The following PIP4K2A variants were observed in gnomAD, a reference collection of about 807,000 sequenced individuals.
The protein encoded by PIP4K2A is phosphatidylinositol-5-phosphate 4-kinase type 2 alpha, also known as phosphatidylinositol 5-phosphate 4-kinase type-2 alpha.
PIP4K2A carries 14 observed loss-of-function variants against 42.9 expected under a neutral mutation model. The ratio of observed to expected loss-of-function variants is 0.33; its 90% CI spans 0.22 to 0.51. PIP4K2A has a LOEUF of 0.51. Among genes scored for constraint, PIP4K2A ranks in the 20% least tolerant of loss-of-function variants. The pLI, the probability that PIP4K2A is intolerant of heterozygous loss-of-function variation, is 0.97. For synonymous variants in PIP4K2A, 192 were observed against 192.2 expected, an observed-to-expected ratio of 1.00 and a Z score of 0.01; for missense variants, 434 against 519.8, an observed-to-expected ratio of 0.83 and a Z score of 1.61.
chr10:22,633,014 C>T (rs1033315272), intron 1 of PIP4K2A, among the ~76,000 whole-genome samples: 2 of 152,150 alleles, frequency 1.3e-5, no homozygotes, highest in Non-Finnish European at 2.9e-5. Context: ...TAGTATACAT[C>T]GGGTATCTGC....
chr10:22,541,639 G>A (rs779270598), intron 8 of PIP4K2A, among the ~76,000 whole-genome samples, 165 bp downstream of exon 8: 4 of 152,108 alleles, frequency 2.6e-5, no homozygotes, highest in Admixed American at 1.3e-4. Flanking sequence ...CTGAGATCAC[G>A]GTTAGCTTTA....
intron 4 of PIP4K2A, among the ~76,000 whole-genome samples, chr10:22,590,133 C>T (rs1178893387): frequency 6.6e-6 from 1 of 152,170 alleles, no homozygotes; most frequent in Non-Finnish European, 1.5e-5. Flanking sequence ...TGGCTGTCTG[C>T]AAACCAGGAA....
At chr10:22,656,544 C>A (rs1157558312) in intron 1 of PIP4K2A, among the ~76,000 whole-genome samples, 4 of 152,142 alleles carry the variant, frequency 2.6e-5, no homozygotes, top group Non-Finnish European at 5.9e-5. Flanking sequence ...CGGTGGTTCA[C>A]ACCTGTAATC....
intron 1 of PIP4K2A, among the ~76,000 whole-genome samples, chr10:22,683,541 G>A (rs1019959320): frequency 3.9e-5 from 6 of 152,154 alleles, no homozygotes; most frequent in Non-Finnish European, 8.8e-5. Flanking sequence ...GCTGGGTACA[G>A]GTCAGGTGAG....
chr10:22,549,796 G>A (rs1324999165), intron 7 of PIP4K2A, among the ~76,000 whole-genome samples: 24 of 119,502 alleles, frequency 2.0e-4, no homozygotes, highest in Admixed American at 9.5e-4. Flanking sequence ...AGCCGAGATC[G>A]CGCCACTGCA....
intron 1 of PIP4K2A, among the ~76,000 whole-genome samples, chr10:22,704,320 G>C (rs1833770696): frequency 1.3e-5 from 2 of 152,258 alleles, no homozygotes; most frequent in Non-Finnish European, 2.9e-5. Flanking sequence ...CCCTGCATTT[G>C]AAAATGTTAG....
intron 9 of PIP4K2A, 107 bp from the exon 10 acceptor site, chr10:22,537,388 C>A: frequency 2.4e-6 from 2 of 831,196 alleles, no homozygotes; most frequent in Non-Finnish European, 3.9e-6. Context: ...ATACAGCAAG[C>A]AATTTTCAAA....
At chr10:22,656,850 T>C (rs1313683212) in intron 1 of PIP4K2A, among the ~76,000 whole-genome samples, 1 of 151,420 alleles carries the variant, frequency 6.6e-6, no homozygotes, top group Non-Finnish European at 1.5e-5. Flanking sequence ...TGGTAAACTA[T>C]ATGAGACTCT....
intron 3 of PIP4K2A, among the ~76,000 whole-genome samples, chr10:22,598,434 G>C (rs1208204796): frequency 1.3e-5 from 2 of 152,170 alleles, no homozygotes; most frequent in Non-Finnish European, 2.9e-5. Context: ...TTTCCTAAAG[G>C]CCTCAATAAT....
intron 1 of PIP4K2A, among the ~76,000 whole-genome samples, chr10:22,610,638 C>T (rs960604415): frequency 6.6e-6 from 1 of 151,930 alleles, no homozygotes; most frequent in African/African-American, 2.4e-5. Flanking sequence ...ATCTCCAAGA[C>T]ACCTTTCTTC....
intron 1 of PIP4K2A, among the ~76,000 whole-genome samples, chr10:22,700,343 G>A (rs952595724): frequency 6.6e-6 from 1 of 152,170 alleles, no homozygotes; most frequent in Non-Finnish European, 1.5e-5. Flanking sequence ...ACTGCACAAC[G>A]GTGCATTTTC....
At chr10:22,600,303 G>C (rs1303019938) in intron 3 of PIP4K2A, among the ~76,000 whole-genome samples, 5 of 151,884 alleles carry the variant, frequency 3.3e-5, no homozygotes, top group African/African-American at 1.2e-4. Flanking sequence ...ACTTTGCCAT[G>C]CTCAAATGTG....
At chr10:22,614,048 G>A (rs1838114607) in intron 1 of PIP4K2A, among the ~76,000 whole-genome samples, 1 of 152,224 alleles carries the variant, frequency 6.6e-6, no homozygotes, top group Non-Finnish European at 1.5e-5. Context: ...AGGAGCCCGT[G>A]GTCACGGGTG....
chr10:22,566,467 C>T (rs1411413375), intron 6 of PIP4K2A, among the ~76,000 whole-genome samples: 3 of 152,126 alleles, frequency 2.0e-5, no homozygotes, highest in Non-Finnish European at 4.4e-5. Flanking sequence ...TAACCCCCTT[C>T]CCTCTACGCA....
intron 7 of PIP4K2A, among the ~76,000 whole-genome samples, chr10:22,548,883 CAAAAAAAAAA>C (rs11308958): frequency 6.8e-6 from 1 of 146,932 alleles, no homozygotes; most frequent in Non-Finnish European, 1.5e-5. Context: ...CTAGTCTCTA[CAAAAAAAAAA>C]AAATTCAAAA....
intron 4 of PIP4K2A, among the ~76,000 whole-genome samples, chr10:22,580,013 G>C (rs550627807): frequency 1.3e-5 from 2 of 152,056 alleles, no homozygotes; most frequent in Admixed American, 1.3e-4. Flanking sequence ...GCAGGGCCAA[G>C]ATGCAGCCAA....
At chr10:22,540,541 C>T (rs1172325257) in intron 8 of PIP4K2A, among the ~76,000 whole-genome samples, 1 of 152,112 alleles carries the variant, frequency 6.6e-6, no homozygotes, top group Non-Finnish European at 1.5e-5. Context: ...TGGATAAAGG[C>T]ATACATCCAC....
chr10:22,543,770 C>T (rs751934552), intron 7 of PIP4K2A, among the ~76,000 whole-genome samples: 1 of 152,296 alleles, frequency 6.6e-6, no homozygotes, highest in African/African-American at 2.4e-5. Flanking sequence ...GGAAGGCTCA[C>T]TTGAGTCCTC....
intron 1 of PIP4K2A, among the ~76,000 whole-genome samples, chr10:22,675,329 T>G (rs1163221877): frequency 6.6e-6 from 1 of 152,208 alleles, no homozygotes; most frequent in Non-Finnish European, 1.5e-5. Context: ...GGCTCACACC[T>G]GTAATCCCAG....
Sources: allele counts gnomAD v4.1 joint callset (sites outside exome capture counted in the v4.1 genomes callset), GRCh38; gene constraint gnomAD v4.1.1; transcripts MANE v1.5; gene names NCBI Gene and HGNC (gene_info 2026-07-23, HGNC 2026-07-21).